The following PDS5A variants were observed in gnomAD, a reference collection of about 807,000 sequenced individuals.
PDS5A encodes the protein sister chromatid cohesion protein PDS5 homolog A.
In PDS5A, 42 loss-of-function variants were observed where a neutral mutation model predicts 167.1. The observed-to-expected ratio is 0.25, with a 90% CI of 0.20 to 0.33. The LOEUF (loss-of-function observed/expected upper bound fraction) is 0.33. PDS5A is among the 10% of genes least tolerant of loss of function. PDS5A has a pLI of 1.00. For missense variants in PDS5A, 1,033 were observed against 1,605.9 expected (o/e 0.64, Z 6.10); for synonymous variants, 553 against 554.6 (o/e 1.00, Z 0.04).
intron 17 of PDS5A, among the ~76,000 whole-genome samples, chr4:39,887,308 T>C (rs1721558756): frequency 6.6e-6 from 1 of 152,208 alleles, no homozygotes; most frequent in African/African-American, 2.4e-5. Flanking sequence ...TTGTTGAGGG[T>C]ATTTATCATA....
chr4:39,826,050 T>C (rs1374798588), intron 32 of PDS5A, among the ~76,000 whole-genome samples: 1 of 152,208 alleles, frequency 6.6e-6, no homozygotes, highest in Non-Finnish European at 1.5e-5. Flanking sequence ...AATGCCCTAT[T>C]TGCTTACAAC....
intron 19 of PDS5A, among the ~76,000 whole-genome samples, chr4:39,874,886 T>C (rs1720337025): frequency 1.3e-5 from 2 of 152,190 alleles, no homozygotes; most frequent in Non-Finnish European, 2.9e-5. Flanking sequence ...GCTACATATA[T>C]ATCAGTAGAA....
chr4:39,977,491 C>T lies in PDS5A; in HGVS notation c.-75G>A, dbSNP rs1731231600. 1.3e-5 allele frequency: 2 copies of T among 154,768 alleles called. No homozygotes were observed. 9.6% of individuals were successfully genotyped at this position (154,768 alleles called of 1,614,324 possible). A position where few individuals can be genotyped will look rare whatever the true frequency, so the allele number is the denominator to read the frequency against. On this transcript the variant is annotated 5_prime_UTR_variant, in exon 1 of 33. Transcript: ENST00000303538. This position sits in a 1 kb window ranked among gnomAD's most constrained non-coding sequence, Gnocchi z 4.2. ...ATGCGGGCGGAAGGTGCATCGAGCGCCCGGGCCTCTGTCAGGTGGTTGCGC... is the reference window on the plus strand; with the variant it reads ...ATGCGGGCGGAAGGTGCATCGAGCGTCCGGGCCTCTGTCAGGTGGTTGCGC...
At chr4:39,959,789 T>C (rs909116650) in intron 2 of PDS5A, among the ~76,000 whole-genome samples, 1 of 151,480 alleles carries the variant, frequency 6.6e-6, no homozygotes, top group African/African-American at 2.4e-5. Flanking sequence ...AGCCCGTCTA[T>C]AGTGAAAATA....
In PDS5A at chr4:39,824,910, C is replaced by T. The variant is rs1301267014; in HGVS notation, c.*575G>A. On this transcript the variant is annotated 3_prime_UTR_variant, in exon 33 of 33. Transcript: ENST00000303538. ...TCATAGCAGGGAACCGAAATCTGTA[C>T]ATCTCATTTTTGCAGAAAAGTAGGC... is the stretch of plus-strand genomic sequence containing the variant. 2 of 152,612 alleles carry T rather than the reference C, an allele frequency of 1.3e-5. No homozygotes were observed. The highest frequency in any genetic ancestry group is 4.8e-5 in the African/African-American group (2 of 41,442). The allele number at this position is 152,612 out of a possible 1,614,324, so 9.5% of individuals were successfully genotyped here. A position where few individuals can be genotyped will look rare whatever the true frequency, so the allele number is the denominator to read the frequency against.
At position 39,848,869 on chromosome 4, in the gene PDS5A, A is replaced by C. The variant is rs899903745; in HGVS notation, c.3321T>G (p.Phe1107Leu). 6.2e-7 allele frequency: 1 copy of C among 1,602,494 alleles called. No individual in the cohort carries two copies. The highest frequency in any genetic ancestry group is 1.7e-5 in the Admixed American group (1 of 58,560). Residue 1107 changes from phenylalanine to leucine, a missense_variant, in exon 28 of 33, where the codon TTT (phenylalanine) becomes TTG (leucine). By Grantham distance (22) the Phe-to-Leu change is conservative. This residue lies in a region of PDS5A where 367 missense variants were observed against 686.7 expected (regional missense o/e 0.53). Transcript: ENST00000303538. ...AAATTACCTTTTCAGGTTGTGTAAA[A>C]AATTTCATTGGGAGGACTGGGTCCT... is the stretch of plus-strand genomic sequence containing the variant. Reference protein sequence around the residue: ...SPKDPVLPMKFFTQPEKDFCN... With the variant: ...SPKDPVLPMKLFTQPEKDFCN...
chr4:39,885,262 A>G (rs1047373563), intron 17 of PDS5A, among the ~76,000 whole-genome samples: 12 of 150,764 alleles, frequency 8.0e-5, no homozygotes, highest in South Asian at 6.3e-4. Context: ...AAAAAAAAAA[A>G]AAAGAAAGGA....
At chr4:39,971,892 ATT>A (rs1332735796) in intron 2 of PDS5A, among the ~76,000 whole-genome samples, 3 of 152,224 alleles carry the variant, frequency 2.0e-5, no homozygotes, top group African/African-American at 7.2e-5. Context: ...ATACTTAAGT[ATT>A]GTTAAAAATC....
At chr4:39,900,325 AAAC>A (rs1722769961) in intron 14 of PDS5A, 98 bp downstream of exon 14, 1 of 701,038 alleles carries the variant, frequency 1.4e-6, no homozygotes, top group Non-Finnish European at 2.5e-6. Flanking sequence ...TTGGAAAATA[AAAC>A]AACTGAGATA....
chr4:39,973,872 T>A (rs1730811833), intron 2 of PDS5A: 2 of 792,434 alleles, frequency 2.5e-6, no homozygotes, highest in South Asian at 1.4e-5. Context: ...ACGCCTGTAA[T>A]CCCAGCACTT....
intron 2 of PDS5A, among the ~76,000 whole-genome samples, chr4:39,967,987 A>C (rs1730145376): frequency 6.6e-6 from 1 of 152,206 alleles, no homozygotes; most frequent in Non-Finnish European, 1.5e-5. Flanking sequence ...CAAAGTAGCA[A>C]GAAAGAAAGA....
At chr4:39,955,710 G>A (rs188789369) in intron 2 of PDS5A, among the ~76,000 whole-genome samples, 13 of 152,168 alleles carry the variant, frequency 8.5e-5, no homozygotes, top group East Asian at 5.8e-4. Flanking sequence ...CCTGGGGGAC[G>A]GGAGTGTTAC....
intron 32 of PDS5A, among the ~76,000 whole-genome samples, chr4:39,828,273 G>C (rs1410945428): frequency 1.3e-5 from 2 of 152,188 alleles, no homozygotes; most frequent in Non-Finnish European, 2.9e-5. Context: ...AAATTCTAAC[G>C]TTACCTTTAC....
chr4:39,854,991 T>A (rs1297611380), intron 26 of PDS5A, among the ~76,000 whole-genome samples: 1 of 152,226 alleles, frequency 6.6e-6, no homozygotes, highest in African/African-American at 2.4e-5. Flanking sequence ...CATTAAAGGC[T>A]ATATTTAAGT....
chr4:39,977,455 ACCT>A lies in PDS5A; in HGVS notation c.-42_-41+1del. 6.6e-6 allele frequency: 1 copy of A among 150,818 alleles called. No homozygotes were observed. The highest frequency in any genetic ancestry group is 1.5e-5 in the Non-Finnish European group (1 of 68,316). 9.3% of individuals were successfully genotyped at this position (150,818 alleles called of 1,614,324 possible). A position where few individuals can be genotyped will look rare whatever the true frequency, so the allele number is the denominator to read the frequency against. ...CGGGAGCCGAGCCGCCGCCGCCTTT[ACCT>A]CCTCCTCATGCGGGCGGAAGGTGCA... is the stretch of plus-strand genomic sequence containing the variant. On this transcript the variant is annotated splice_donor_variant and 5_prime_UTR_variant, in exon 1 of 33. Transcript: ENST00000303538. LOFTEE classifies it low-confidence loss of function (5UTR_SPLICE). This position sits in a 1 kb window ranked among gnomAD's most constrained non-coding sequence, Gnocchi z 4.2.
intron 2 of PDS5A, among the ~76,000 whole-genome samples, chr4:39,963,931 C>T (rs1364103074): frequency 2.6e-5 from 4 of 151,886 alleles, no homozygotes; most frequent in Admixed American, 1.3e-4. Flanking sequence ...CCCCCCAGAC[C>T]GACTCTCGCT....
intron 7 of PDS5A, among the ~76,000 whole-genome samples, chr4:39,919,339 T>C (rs776377535): frequency 5.3e-5 from 8 of 152,158 alleles, no homozygotes; most frequent in South Asian, 2.1e-4. Flanking sequence ...AATACAAATA[T>C]GACGATAAAA....
At position 39,913,824 on chromosome 4, in the gene PDS5A, G is replaced by C. The variant is rs1007322165; in HGVS notation, c.877-98C>G. ...CAAGAAGATACTATTTCATATTTCT[G>C]CTTATAACTGTGAGAAGTTTAAAAT... On this transcript the variant is annotated intron_variant, in intron 8 of 32. Transcript: ENST00000303538. 33 of 724,190 alleles carry C rather than the reference G, an allele frequency of 4.6e-5. No individual in the cohort carries two copies. The South Asian group carries it at 4.7e-4, about 10-fold the overall frequency. The allele number at this position is 724,190 out of a possible 1,614,324, so 44.9% of individuals were successfully genotyped here.
chr4:39,913,533 G>A (rs1489317623), intron 9 of PDS5A, 78 bp downstream of exon 9: 1 of 760,910 alleles, frequency 1.3e-6, no homozygotes, highest in Non-Finnish European at 2.4e-6. Flanking sequence ...GTTTTGATAT[G>A]TATAGTTTTA....
Sources: gnomAD v4.1 joint callset for allele counts (sites outside exome capture counted in the v4.1 genomes callset) on GRCh38, gnomAD v4.1.1 for gene constraint, gnomAD v4.1.1 regional missense constraint, Gnocchi (gnomAD v3.1) non-coding constraint, MANE v1.5 for transcripts, NCBI Gene and HGNC (gene_info 2026-07-23, HGNC 2026-07-21) for gene names.